PPFIBP1: variants seen among roughly 807,000 people sequenced by gnomAD.
The protein encoded by PPFIBP1 is PPFIB scaffold protein 1.
In PPFIBP1, 112 loss-of-function variants were observed where a neutral mutation model predicts 137.8. That is an observed-to-expected ratio of 0.81 (90% CI 0.70 to 0.95). The LOEUF (loss-of-function observed/expected upper bound fraction) is 0.95. Ranked by LOEUF, PPFIBP1 falls within the 40% of genes least tolerant of loss-of-function variation. PPFIBP1 has a pLI of 0.00. For missense variants in PPFIBP1, 1,083 were observed against 1,196.6 expected, an observed-to-expected ratio of 0.91 and a Z score of 1.40; for synonymous variants, 378 against 417.3, an observed-to-expected ratio of 0.91 and a Z score of 1.15.
intron 2 of PPFIBP1, among the ~76,000 whole-genome samples, chr12:27,595,886 AATATATATATATATATAT>A (rs201970397): frequency 2.0e-5 from 2 of 102,432 alleles, no homozygotes; most frequent in Non-Finnish European, 2.2e-5. Context: ...ACAACAACAA[AATATATATATATATATAT>A]ATATATATAT....
chr12:27,540,064 A>ATTT (rs147575484), intron 1 of PPFIBP1, among the ~76,000 whole-genome samples: 2 of 144,516 alleles, frequency 1.4e-5, no homozygotes, highest in African/African-American at 2.5e-5. Flanking sequence ...CCTATTTTCA[A>ATTT]TTTTTTTTTT....
At chr12:27,577,030 G>A (rs921258178) in intron 1 of PPFIBP1, among the ~76,000 whole-genome samples, 3 of 152,098 alleles carry the variant, frequency 2.0e-5, no homozygotes, top group African/African-American at 4.8e-5. Context: ...GGATTGGTGT[G>A]TATATATGGG....
At chr12:27,598,577 T>TAC (rs2053595204) in intron 2 of PPFIBP1, among the ~76,000 whole-genome samples, 1 of 147,780 alleles carries the variant, frequency 6.8e-6, no homozygotes, top group Non-Finnish European at 1.5e-5. Context: ...TGTGTGTGTG[T>TAC]ACACAACTTT....
chr12:27,589,984 G>T (rs1397044490), intron 2 of PPFIBP1, among the ~76,000 whole-genome samples: 1 of 152,064 alleles, frequency 6.6e-6, no homozygotes, highest in Non-Finnish European at 1.5e-5. Context: ...TTCTCTTCTT[G>T]TCTGCCTCCC....
chr12:27,580,421 G>A (rs2050985129), intron 2 of PPFIBP1, among the ~76,000 whole-genome samples: 2 of 152,160 alleles, frequency 1.3e-5, no homozygotes, highest in Admixed American at 6.5e-5. Flanking sequence ...TTCTGGATCA[G>A]CTTCCACATC....
chr12:27,631,566 T>G (rs2057270909), intron 2 of PPFIBP1, among the ~76,000 whole-genome samples: 1 of 152,188 alleles, frequency 6.6e-6, no homozygotes, highest in Non-Finnish European at 1.5e-5. Context: ...AATTTAACAT[T>G]GTCATCATAT....
chr12:27,558,485 C>CAA, intron 1 of PPFIBP1, among the ~76,000 whole-genome samples: 1 of 112,682 alleles, frequency 8.9e-6, no homozygotes, highest in Non-Finnish European at 1.9e-5. Flanking sequence ...CACACACACA[C>CAA]ACACACACAC....
intron 18 of PPFIBP1, 118 bp from the exon 19 acceptor site, chr12:27,676,946 C>T (rs764670573): frequency 1.5e-6 from 2 of 1,312,566 alleles, no homozygotes; most frequent in East Asian, 2.3e-5. Context: ...GTGCCGCATG[C>T]CTCTCCTCCA....
At chr12:27,649,758 C>T (rs1358104936) in intron 6 of PPFIBP1, among the ~76,000 whole-genome samples, 2 of 152,160 alleles carry the variant, frequency 1.3e-5, no homozygotes, top group South Asian at 2.1e-4. Context: ...ACCATACTGT[C>T]CAGGCTGGTT....
chr12:27,691,975 G>T, intron 28 of PPFIBP1, 47 bp downstream of exon 28: 4 of 1,488,116 alleles, frequency 2.7e-6, no homozygotes, highest in Non-Finnish European at 3.6e-6. Context: ...CCATCATTCA[G>T]ACACTAAATG....
chr12:27,660,993 T>C (rs773593591), intron 11 of PPFIBP1, 48 bp downstream of exon 11: 1 of 1,601,198 alleles, frequency 6.2e-7, no homozygotes, highest in Admixed American at 1.7e-5. Flanking sequence ...TTTAACACCA[T>C]TTTGACCATT....
intron 8 of PPFIBP1, chr12:27,655,210 T>C: frequency 6.5e-7 from 1 of 1,535,044 alleles, no homozygotes; most frequent in Non-Finnish European, 8.7e-7. Flanking sequence ...AAGCAGCGGA[T>C]GGAACAAAAA....
At chr12:27,566,295 A>G (rs1359779288) in intron 1 of PPFIBP1, among the ~76,000 whole-genome samples, 2 of 151,778 alleles carry the variant, frequency 1.3e-5, no homozygotes, top group African/African-American at 2.4e-5. Flanking sequence ...TAGTCAAAGA[A>G]AAAACTATGT....
At chr12:27,528,910 A>G (rs892367350) in intron 1 of PPFIBP1, among the ~76,000 whole-genome samples, 1 of 152,170 alleles carries the variant, frequency 6.6e-6, no homozygotes. Context: ...ACAGTTTGTG[A>G]GTGCTCTTTG....
chr12:27,611,981 G>A (rs573538605), intron 2 of PPFIBP1, among the ~76,000 whole-genome samples: 17 of 152,356 alleles, frequency 1.1e-4, no homozygotes, highest in African/African-American at 4.1e-4. Context: ...TCGTTGATCT[G>A]TAGTGTGCTT....
chr12:27,550,007 T>C (rs1946607852), intron 1 of PPFIBP1, among the ~76,000 whole-genome samples: 1 of 152,228 alleles, frequency 6.6e-6, no homozygotes, highest in Admixed American at 6.5e-5. Context: ...AGGGTGTGAC[T>C]TAAATGCTGG....
At chr12:27,557,534 C>T (rs1447495175) in intron 1 of PPFIBP1, among the ~76,000 whole-genome samples, 3 of 152,106 alleles carry the variant, frequency 2.0e-5, no homozygotes, top group Non-Finnish European at 4.4e-5. Context: ...CGCCCGGCTA[C>T]ATCATGGTAA....
chr12:27,585,738 G>T (rs983202439), intron 2 of PPFIBP1, among the ~76,000 whole-genome samples: 1 of 152,188 alleles, frequency 6.6e-6, no homozygotes, highest in East Asian at 1.9e-4. Context: ...TCTGTTCTAC[G>T]GAGGAGCTTC....
At position 27,682,741 on chromosome 12, in the gene PPFIBP1, T is replaced by A. The variant is rs907592413; in HGVS notation, c.2247+38T>A. On this transcript the variant is annotated intron_variant, in intron 24 of 29. Transcript: ENST00000228425. ...CTCCTGGGGTTTGGGGGAGGAAAAC[T>A]TTTTTTCTCTGAAAAACACAGGAAT... 7.4e-6 allele frequency: 12 copies of A among 1,612,374 alleles called. No homozygotes were observed. In the African/African-American group the frequency reaches 1.3e-4, roughly 18 times the overall value.
Sources: allele counts gnomAD v4.1 joint callset (sites outside exome capture counted in the v4.1 genomes callset), GRCh38; gene constraint gnomAD v4.1.1; transcripts MANE v1.5; gene names NCBI Gene and HGNC (gene_info 2026-07-23, HGNC 2026-07-21).